The following RBFOX1 variants were observed in gnomAD, a reference collection of about 807,000 sequenced individuals.
RBFOX1 encodes RNA binding protein fox-1 homolog 1.
In RBFOX1, 8 loss-of-function variants were observed where a neutral mutation model predicts 57.7. The ratio of observed to expected loss-of-function variants is 0.14; its 90% CI spans 0.08 to 0.25. The LOEUF is 0.25. Among genes scored for constraint, RBFOX1 ranks in the 10% least tolerant of loss-of-function variants. The probability of loss-of-function intolerance (pLI) is 1.00; values close to 1 mark genes in which losing one functional copy is unlikely to be tolerated. For synonymous variants in RBFOX1, 326 were observed against 222.4 expected (o/e 1.47, Z -4.15); for missense variants, 611 against 548.5 (o/e 1.11, Z -1.14).
intron 3 of RBFOX1, among the ~76,000 whole-genome samples, chr16:6,942,889 A>C (rs1259222611): frequency 1.3e-5 from 2 of 152,208 alleles, no homozygotes; most frequent in Non-Finnish European, 2.9e-5. Flanking sequence ...CGCAGTTTGC[A>C]GTATACAAAG....
chr16:7,325,562 G>A (rs558325608), intron 4 of RBFOX1, among the ~76,000 whole-genome samples: 26 of 152,276 alleles, frequency 1.7e-4, no homozygotes, highest in African/African-American at 6.3e-4. Context: ...ACTGAAAGCA[G>A]TCTCTAAGTG....
intron 1 of RBFOX1, chr16:5,366,653 C>A: frequency 4.6e-6 from 2 of 431,752 alleles, no homozygotes; most frequent in South Asian, 1.9e-5. Context: ...GACCAGGAGG[C>A]TATTCCCGAT....
At chr16:6,709,871 A>C (rs1019094059) in intron 3 of RBFOX1, among the ~76,000 whole-genome samples, 1 of 152,098 alleles carries the variant, frequency 6.6e-6, no homozygotes, top group African/African-American at 2.4e-5. Flanking sequence ...GGGAGGCTGG[A>C]GAGGGAACGG....
intron 1 of RBFOX1, among the ~76,000 whole-genome samples, chr16:6,067,281 G>C (rs1213498233): frequency 6.6e-6 from 1 of 152,000 alleles, no homozygotes; most frequent in Admixed American, 6.6e-5. Context: ...TTCGTTCTGG[G>C]GCTGTACTCT....
intron 2 of RBFOX1, among the ~76,000 whole-genome samples, chr16:6,601,142 C>T (rs1182612398): frequency 6.6e-6 from 1 of 152,134 alleles, no homozygotes; most frequent in African/African-American, 2.4e-5. Context: ...AGCCTTTGGG[C>T]TTTAAACTGA....
intron 4 of RBFOX1, among the ~76,000 whole-genome samples, chr16:7,094,767 T>TGTGTGTGTGTGTGTGTGG (rs1567232476): frequency 7.1e-6 from 1 of 140,894 alleles, no homozygotes; most frequent in South Asian, 2.3e-4. Flanking sequence ...TGTGTGTGTG[T>TGTGTGTGTGTGTGTGTGG]GTGTGTGTGG....
At chr16:7,704,594 T>G (rs1290051389) in intron 14 of RBFOX1, among the ~76,000 whole-genome samples, 2 of 152,164 alleles carry the variant, frequency 1.3e-5, no homozygotes, top group African/African-American at 4.8e-5. Flanking sequence ...TTCTAGACAG[T>G]GGGGATGCAA....
At chr16:5,367,894 A>G (rs1375428949) in intron 1 of RBFOX1, among the ~76,000 whole-genome samples, 1 of 151,808 alleles carries the variant, frequency 6.6e-6, no homozygotes, top group African/African-American at 2.4e-5. Context: ...TCTTTAAATG[A>G]CAGGACTCTG....
intron 5 of RBFOX1, among the ~76,000 whole-genome samples, chr16:7,547,889 A>C (rs17144090): frequency 0.089 from 13,585 of 152,254 alleles, 821 homozygotes; most frequent in African/African-American, 0.17. Context: ...GACAAAACAG[A>C]ATGGATACCA....
At chr16:5,590,568 G>C (rs774932605) in intron 2 of RBFOX1, among the ~76,000 whole-genome samples, 2 of 152,112 alleles carry the variant, frequency 1.3e-5, no homozygotes, top group Non-Finnish European at 2.9e-5. Flanking sequence ...CTGTGATTCG[G>C]GGCGTGATGG....
At chr16:7,347,434 G>C (rs1336182567) in intron 4 of RBFOX1, among the ~76,000 whole-genome samples, 2 of 152,056 alleles carry the variant, frequency 1.3e-5, no homozygotes, top group Non-Finnish European at 2.9e-5. Flanking sequence ...ATTATCAGGA[G>C]AACAGCACAG....
intron 1 of RBFOX1, among the ~76,000 whole-genome samples, chr16:6,143,801 G>A (rs1007907545): frequency 6.6e-6 from 1 of 151,812 alleles, no homozygotes; most frequent in African/African-American, 2.4e-5. Flanking sequence ...GTGTTTGTTG[G>A]TTTTGTTTTT....
chr16:6,271,520 A>G (rs1290566188), intron 1 of RBFOX1, among the ~76,000 whole-genome samples: 1 of 152,220 alleles, frequency 6.6e-6, no homozygotes, highest in African/African-American at 2.4e-5. Flanking sequence ...ATCAGTACAA[A>G]GAAGAAGCTG....
intron 1 of RBFOX1, among the ~76,000 whole-genome samples, chr16:6,193,395 T>TATATA (rs1409135526): frequency 1.1e-3 from 25 of 23,380 alleles, no homozygotes; most frequent in Admixed American, 1.5e-3. Flanking sequence ...ATATATACTA[T>TATATA]ATATATATAT....
chr16:5,794,319 C>CTT (rs57571951), intron 3 of RBFOX1, among the ~76,000 whole-genome samples: 1 of 151,560 alleles, frequency 6.6e-6, no homozygotes, highest in African/African-American at 2.4e-5. Flanking sequence ...CCTTCACCTC[C>CTT]TTTTTTTCCT....
At chr16:5,632,234 A>AC (rs533643426) in intron 3 of RBFOX1, among the ~76,000 whole-genome samples, 232 of 152,332 alleles carry the variant, frequency 1.5e-3, no homozygotes, top group South Asian at 3.1e-3. Flanking sequence ...ATGTCATGAG[A>AC]CAACTAGCCA....
At chr16:6,435,099 G>T (rs1439658558) in intron 2 of RBFOX1, among the ~76,000 whole-genome samples, 3 of 152,186 alleles carry the variant, frequency 2.0e-5, no homozygotes, top group Non-Finnish European at 4.4e-5. Context: ...GCATTAGTCA[G>T]TCGAAGTGTC....
intron 5 of RBFOX1, among the ~76,000 whole-genome samples, chr16:7,527,142 A>G (rs1006637976): frequency 3.3e-5 from 5 of 152,086 alleles, no homozygotes; most frequent in Non-Finnish European, 1.5e-5. Context: ...AGTGTGACTG[A>G]GCTGTTTTGT....
At chr16:7,536,932 T>C (rs1471249676) in intron 5 of RBFOX1, among the ~76,000 whole-genome samples, 1 of 152,134 alleles carries the variant, frequency 6.6e-6, no homozygotes, top group African/African-American at 2.4e-5. Flanking sequence ...TGTGACAGGA[T>C]GAATATCAGT....
Sources: gnomAD v4.1 joint callset for allele counts (sites outside exome capture counted in the v4.1 genomes callset) on GRCh38, gnomAD v4.1.1 for gene constraint, MANE v1.5 for transcripts, NCBI Gene and HGNC (gene_info 2026-07-23, HGNC 2026-07-21) for gene names.